The following TRDN variants were observed in gnomAD, a reference collection of about 807,000 sequenced individuals.
The protein encoded by TRDN is triadin.
TRDN carries 161 observed loss-of-function variants against 149.7 expected under a neutral mutation model. The ratio of observed to expected loss-of-function variants is 1.08; its 90% confidence interval spans 0.95 to 1.23. The LOEUF is 1.23. Among genes scored for constraint, TRDN ranks in the 50% most tolerant of loss-of-function variants. The probability of loss-of-function intolerance (pLI) is 0.00; values close to 1 mark genes in which losing one functional copy is unlikely to be tolerated. For missense variants in TRDN, 896 were observed against 823.5 expected, an observed-to-expected ratio of 1.09 and a Z score of -1.08; for synonymous variants, 294 against 250.5, an observed-to-expected ratio of 1.17 and a Z score of -1.64.
chr6:123,340,989 CTT>C (rs1562269253), intron 21 of TRDN, among the ~76,000 whole-genome samples: 1 of 151,782 alleles, frequency 6.6e-6, no homozygotes. Flanking sequence ...ATGAATGTCT[CTT>C]TGTTTTATTT....
intron 38 of TRDN, among the ~76,000 whole-genome samples, chr6:123,227,554 T>C (rs1213865656): frequency 6.6e-6 from 1 of 151,904 alleles, no homozygotes; most frequent in Non-Finnish European, 1.5e-5. Flanking sequence ...AGAAGTGATA[T>C]GCATCAAGTT....
intron 6 of TRDN, among the ~76,000 whole-genome samples, chr6:123,514,736 G>T (rs1430107328): frequency 6.6e-6 from 1 of 151,684 alleles, no homozygotes; most frequent in Non-Finnish European, 1.5e-5. Flanking sequence ...AACCATATTT[G>T]AATCTTTCAA....
At chr6:123,362,612 T>C (rs941471601) in intron 20 of TRDN, among the ~76,000 whole-genome samples, 1 of 152,186 alleles carries the variant, frequency 6.6e-6, no homozygotes, top group African/African-American at 2.4e-5. Flanking sequence ...AACTCTAAAG[T>C]CATCTTCTGC....
chr6:123,223,638 G>A (rs1162137065), intron 39 of TRDN, among the ~76,000 whole-genome samples: 1 of 151,422 alleles, frequency 6.6e-6, no homozygotes, highest in Non-Finnish European at 1.5e-5. Flanking sequence ...GGCTTGGGCT[G>A]GAAGAGTGCA....
At chr6:123,610,339 C>T (rs1784737969) in intron 1 of TRDN, among the ~76,000 whole-genome samples, 1 of 152,164 alleles carries the variant, frequency 6.6e-6, no homozygotes. Context: ...ATCAATGCAG[C>T]CTCTATTGCT....
At chr6:123,591,246 A>T (rs889113856) in intron 1 of TRDN, among the ~76,000 whole-genome samples, 2 of 152,032 alleles carry the variant, frequency 1.3e-5, no homozygotes, top group Admixed American at 6.6e-5. Context: ...CCTGAACCCA[A>T]ATATTTTTTT....
chr6:123,350,010 A>C, intron 21 of TRDN: 1 of 985,338 alleles, frequency 1.0e-6, no homozygotes, highest in Non-Finnish European at 1.2e-6. Context: ...CCATTTATGA[A>C]TTTTGAAACA....
intron 7 of TRDN, chr6:123,509,881 C>T (rs956417509): frequency 2.0e-5 from 3 of 151,946 alleles, no homozygotes; most frequent in African/African-American, 7.3e-5. Flanking sequence ...TGTATACTGA[C>T]TGCACCTGGG....
intron 12 of TRDN, among the ~76,000 whole-genome samples, chr6:123,397,257 A>G (rs887872016): frequency 1.3e-5 from 2 of 152,184 alleles, no homozygotes. Flanking sequence ...TGACAGGGGC[A>G]GGAGAATGAG....
intron 24 of TRDN, among the ~76,000 whole-genome samples, chr6:123,293,938 G>A (rs1408492548): frequency 6.6e-6 from 1 of 152,072 alleles, no homozygotes; most frequent in Non-Finnish European, 1.5e-5. Flanking sequence ...AGGAATCAAG[G>A]CAGTGATGGG....
chr6:123,608,317 C>A (rs922725046), intron 1 of TRDN, among the ~76,000 whole-genome samples: 5 of 152,086 alleles, frequency 3.3e-5, no homozygotes, highest in African/African-American at 1.2e-4. Flanking sequence ...TTAAAAAATA[C>A]TTGTCAGTCA....
intron 12 of TRDN, among the ~76,000 whole-genome samples, chr6:123,430,354 G>A (rs1402602839): frequency 1.3e-5 from 2 of 151,516 alleles, no homozygotes; most frequent in South Asian, 2.1e-4. Flanking sequence ...AGGCCGAGGC[G>A]CGCACATCAC....
chr6:123,390,181 A>G (rs1782054357), intron 13 of TRDN, among the ~76,000 whole-genome samples: 1 of 152,106 alleles, frequency 6.6e-6, no homozygotes, highest in African/African-American at 2.4e-5. Flanking sequence ...CTAAAGGGCA[A>G]CCTGACAAAG....
chr6:123,235,014 C>T (rs1775733332), intron 38 of TRDN, among the ~76,000 whole-genome samples: 1 of 152,038 alleles, frequency 6.6e-6, no homozygotes, highest in Admixed American at 6.6e-5. Flanking sequence ...CTTAAATTTC[C>T]TTCATATTTC....
chr6:123,319,869 G>A (rs931409177), intron 23 of TRDN, among the ~76,000 whole-genome samples: 1 of 152,018 alleles, frequency 6.6e-6, no homozygotes, highest in Non-Finnish European at 1.5e-5. Flanking sequence ...TGATGGGCCT[G>A]GGGAAGGGAG....
intron 1 of TRDN, among the ~76,000 whole-genome samples, chr6:123,606,625 G>A (rs1348739016): frequency 2.6e-5 from 4 of 152,068 alleles, no homozygotes; most frequent in Middle Eastern, 3.4e-3. Context: ...GAGGTTCACT[G>A]ATTTTCTTCC....
At chr6:123,284,005 T>TATATATATATATATATATATATATAA (rs1188677769) in intron 24 of TRDN, among the ~76,000 whole-genome samples, 9 of 122,770 alleles carry the variant, frequency 7.3e-5, no homozygotes, top group Non-Finnish European at 1.0e-4. Context: ...TATATATATG[T>TATATATATATATATATATATATATAA]AACAAACCTG....
At chr6:123,376,251 A>C (rs2114396994) in intron 18 of TRDN, among the ~76,000 whole-genome samples, 1 of 152,246 alleles carries the variant, frequency 6.6e-6, no homozygotes, top group African/African-American at 2.4e-5. Flanking sequence ...TACATGCGTA[A>C]GTGAGAAGAT....
Position 123,512,274 on chromosome 6 carries a change from G to A in TRDN, c.610+29C>T, listed in dbSNP as rs528640688. 4.3e-5 allele frequency: 55 copies of A among 1,267,646 alleles called. No individual in the cohort carries two copies. In the African/African-American group the frequency reaches 7.7e-4, roughly 18 times the overall value. 78.5% of individuals were successfully genotyped at this position (1,267,646 alleles called of 1,614,324 possible). ...AATCTTTCAGAGTAAAAAGAATTTAGTTATGGAAATAATAAATTGAAAAGT... is the reference window on the plus strand; with the variant it reads ...AATCTTTCAGAGTAAAAAGAATTTAATTATGGAAATAATAAATTGAAAAGT... On this transcript the variant is annotated intron_variant, in intron 7 of 40. Coordinates refer to ENST00000334268, the MANE Select transcript of TRDN (RefSeq NM_006073.4).
Sources: gnomAD v4.1 joint callset for allele counts (sites outside exome capture counted in the v4.1 genomes callset) on GRCh38, gnomAD v4.1.1 for gene constraint, MANE v1.5 for transcripts, NCBI Gene and HGNC (gene_info 2026-07-23, HGNC 2026-07-21) for gene names.